The following VWA8 variants were observed in gnomAD, a reference collection of about 807,000 sequenced individuals.
VWA8 encodes the protein von Willebrand factor A domain-containing protein 8.
VWA8 carries 221 observed loss-of-function variants against 241.5 expected under a neutral mutation model. The ratio of observed to expected loss-of-function variants is 0.91; its 90% confidence interval spans 0.82 to 1.02. The LOEUF is 1.02. VWA8 is among the 50% of genes least tolerant of loss of function. The pLI, the probability that VWA8 is intolerant of heterozygous loss-of-function variation, is 0.00. For missense variants in VWA8, 2,322 were observed against 2,328.7 expected (o/e 1.00, Z 0.06); for synonymous variants, 852 against 827.1 (o/e 1.03, Z -0.52).
At chr13:41,761,472 G>A (rs189615137) in intron 20 of VWA8, among the ~76,000 whole-genome samples, 1 of 151,958 alleles carries the variant, frequency 6.6e-6, no homozygotes, top group Non-Finnish European at 1.5e-5. Flanking sequence ...TGACTTTTCT[G>A]TTCTGTAAAT....
intron 12 of VWA8, among the ~76,000 whole-genome samples, chr13:41,843,373 C>G (rs1872142037): frequency 6.6e-6 from 1 of 152,108 alleles, no homozygotes; most frequent in Non-Finnish European, 1.5e-5. Flanking sequence ...AAGCTAAACA[C>G]TTAAATCAAG....
chr13:41,655,890 A>T (rs1055606929), intron 37 of VWA8, among the ~76,000 whole-genome samples: 1 of 152,186 alleles, frequency 6.6e-6, no homozygotes, highest in Non-Finnish European at 1.5e-5. Context: ...CAGAATCTTA[A>T]AGTATGTTCC....
chr13:41,849,349 T>G (rs549230622), intron 12 of VWA8, among the ~76,000 whole-genome samples: 5 of 152,366 alleles, frequency 3.3e-5, no homozygotes, highest in Middle Eastern at 6.8e-3. Flanking sequence ...TGCAAATATT[T>G]GTAAATTTTA....
intron 37 of VWA8, among the ~76,000 whole-genome samples, chr13:41,640,967 TAAA>T (rs958510938): frequency 2.7e-5 from 4 of 148,932 alleles, no homozygotes; most frequent in African/African-American, 9.8e-5. Flanking sequence ...GAGGATGAGA[TAAA>T]AAAAAAACTG....
chr13:41,780,992 T>A (rs1868862535), intron 19 of VWA8, among the ~76,000 whole-genome samples: 1 of 152,172 alleles, frequency 6.6e-6, no homozygotes, highest in East Asian at 1.9e-4. Context: ...CTCCACTCTG[T>A]CCCCACTGTC....
At chr13:41,891,112 G>A (rs1053424533) in intron 5 of VWA8, among the ~76,000 whole-genome samples, 2 of 150,852 alleles carry the variant, frequency 1.3e-5, no homozygotes, top group Non-Finnish European at 2.9e-5. Flanking sequence ...AGAAAGAAAG[G>A]GGGGAAAAAA....
chr13:41,591,548 A>C (rs1200339518), intron 40 of VWA8, among the ~76,000 whole-genome samples: 2 of 152,102 alleles, frequency 1.3e-5, no homozygotes, highest in Non-Finnish European at 2.9e-5. Context: ...ATGGGAGAAA[A>C]TTTTCGCAAC....
chr13:41,946,184 C>A (rs1877841021), intron 2 of VWA8, among the ~76,000 whole-genome samples: 1 of 146,500 alleles, frequency 6.8e-6, no homozygotes. Context: ...CTTCAAAATA[C>A]AAAGGAGAAA....
At position 41,907,688 on chromosome 13, in the gene VWA8, G is replaced by C. The variant is rs776987024; in HGVS notation, c.381C>G (p.Thr127=). The change falls in exon 4 of 45, where the codon ACC becomes ACG. Residue 127 remains threonine, a synonymous_variant. Transcript: ENST00000379310. ...RSIAMQYLEL[T]KREVEYIALS... ...GGGCAATGTATTCGACCTCCCGTTT[G>C]GTCAGCTCCTGTAGAGAAGAGAATG... 1 of 1,613,836 alleles carries C rather than the reference G, an allele frequency of 6.2e-7. No individual in the cohort carries two copies.
chr13:41,924,666 A>G (rs1283987049), intron 2 of VWA8, among the ~76,000 whole-genome samples: 2 of 152,134 alleles, frequency 1.3e-5, no homozygotes, highest in African/African-American at 4.8e-5. Flanking sequence ...AAAATTACTG[A>G]AACACTATGA....
chr13:41,587,300 T>G (rs2044424954), intron 42 of VWA8, among the ~76,000 whole-genome samples: 2 of 152,228 alleles, frequency 1.3e-5, no homozygotes, highest in African/African-American at 4.8e-5. Context: ...ACATCATGGC[T>G]GCAGCATTTC....
chr13:41,919,921 T>C (rs1451043449), intron 2 of VWA8, among the ~76,000 whole-genome samples: 2 of 152,170 alleles, frequency 1.3e-5, no homozygotes, highest in Non-Finnish European at 2.9e-5. Flanking sequence ...CAGCCTTGGA[T>C]GAGCTGTGCC....
chr13:41,914,039 C>A (rs1167542726), intron 2 of VWA8, among the ~76,000 whole-genome samples: 1 of 152,212 alleles, frequency 6.6e-6, no homozygotes, highest in Non-Finnish European at 1.5e-5. Context: ...GTCAGAAGTT[C>A]AAGACCAGCC....
intron 2 of VWA8, among the ~76,000 whole-genome samples, chr13:41,912,902 T>C (rs1876078700): frequency 6.6e-6 from 1 of 152,144 alleles, no homozygotes; most frequent in Admixed American, 6.5e-5. Context: ...TTGGTTTTGC[T>C]CATATGTAAA....
At chr13:41,903,018 G>A (rs944451121) in intron 4 of VWA8, among the ~76,000 whole-genome samples, 1 of 152,060 alleles carries the variant, frequency 6.6e-6, no homozygotes, top group Non-Finnish European at 1.5e-5. Context: ...AATACTGCCC[G>A]TCCCTTCAGC....
chr13:41,944,540 T>G (rs947761278), intron 2 of VWA8, among the ~76,000 whole-genome samples: 2 of 152,140 alleles, frequency 1.3e-5, no homozygotes, highest in Non-Finnish European at 2.9e-5. Flanking sequence ...CTCAAACTCC[T>G]GGCCTCAAGC....
rs1869592586 is a variant in VWA8 at position 41,794,351 on chromosome 13, T to C, written c.2064-6808A>G. Among the ~76,000 whole-genome samples, 4 of 152,296 alleles carry C rather than the reference T, an allele frequency of 2.6e-5. No homozygotes were observed. In the South Asian group the frequency reaches 8.3e-4, roughly 32 times the overall value. On this transcript the variant is annotated intron_variant, in intron 17 of 44. Transcript: ENST00000379310. ...GTTCTCCTTGAAGAGGTCCTTCAATTCCCTTGTTAGCTGTATTCCTAGGTG... is the reference window on the plus strand; with the variant it reads ...GTTCTCCTTGAAGAGGTCCTTCAATCCCCTTGTTAGCTGTATTCCTAGGTG...
At chr13:41,887,472 G>A in intron 5 of VWA8, 111 bp from the exon 6 acceptor site, 7 of 1,194,936 alleles carry the variant, frequency 5.9e-6, no homozygotes, top group Non-Finnish European at 8.1e-6. Context: ...CTGTATTGGA[G>A]AACACTCTCA....
At chr13:41,844,399 A>G (rs190505433) in intron 12 of VWA8, among the ~76,000 whole-genome samples, 2 of 152,324 alleles carry the variant, frequency 1.3e-5, no homozygotes, top group East Asian at 3.9e-4. Context: ...TGAATGGGCA[A>G]AAGCTGGAAG....
Sources: gnomAD v4.1 joint callset for allele counts (sites outside exome capture counted in the v4.1 genomes callset) on GRCh38, gnomAD v4.1.1 for gene constraint, MANE v1.5 for transcripts, NCBI Gene and HGNC (gene_info 2026-07-23, HGNC 2026-07-21) for gene names.